The following ATP2B2 variants were observed in gnomAD, a reference collection of about 807,000 sequenced individuals.
ATP2B2 encodes ATPase plasma membrane Ca2+ transporting 2.
A neutral mutation model predicts 120.0 loss-of-function variants in ATP2B2; 15 were observed. The ratio of observed to expected loss-of-function variants is 0.12; its 90% CI spans 0.08 to 0.19. The LOEUF (loss-of-function observed/expected upper bound fraction) is 0.19. ATP2B2 is among the 10% of genes least tolerant of loss of function. The probability of loss-of-function intolerance (pLI) is 1.00; values close to 1 mark genes in which losing one functional copy is unlikely to be tolerated. For missense variants in ATP2B2, 1,045 were observed against 1,719.8 expected (o/e 0.61, Z 6.94); for synonymous variants, 694 against 700.3 (o/e 0.99, Z 0.14).
chr3:10,350,599 A>G (rs760134499), intron 14 of ATP2B2, 22 bp from the exon 15 acceptor site: 1 of 1,606,980 alleles, frequency 6.2e-7, no homozygotes, highest in Non-Finnish European at 8.5e-7. Flanking sequence ...GGCAGGGGCC[A>G]TGGGGGAGGG....
chr3:10,443,501 G>A (rs1295237036), intron 2 of ATP2B2, among the ~76,000 whole-genome samples: 3 of 152,190 alleles, frequency 2.0e-5, no homozygotes, highest in Non-Finnish European at 4.4e-5. Flanking sequence ...GGCTTATGAG[G>A]AAAGGCCTGG....
intron 2 of ATP2B2, among the ~76,000 whole-genome samples, chr3:10,548,826 A>G (rs1414956441): frequency 6.6e-6 from 1 of 152,228 alleles, no homozygotes; most frequent in African/African-American, 2.4e-5. Context: ...CAATGCTTAG[A>G]GTAGAGAAAA....
At chr3:10,637,647 G>A (rs972647905) in intron 1 of ATP2B2, among the ~76,000 whole-genome samples, 1 of 152,136 alleles carries the variant, frequency 6.6e-6, no homozygotes, top group Admixed American at 6.5e-5. Context: ...GTGAGCTGTG[G>A]GGCAGCTTTA....
chr3:10,459,501 T>C (rs1239857747), intron 1 of ATP2B2, among the ~76,000 whole-genome samples: 1 of 151,876 alleles, frequency 6.6e-6, no homozygotes, highest in African/African-American at 2.4e-5. Context: ...CCATCCTCTC[T>C]TGCACTGCCC....
chr3:10,461,398 G>A (rs1216974128), intron 1 of ATP2B2, among the ~76,000 whole-genome samples: 2 of 152,234 alleles, frequency 1.3e-5, no homozygotes, highest in African/African-American at 4.8e-5. Flanking sequence ...AAAATCAAAA[G>A]GCCAGGAAGC....
At chr3:10,648,597 C>T (rs1010409942) in intron 1 of ATP2B2, among the ~76,000 whole-genome samples, 7 of 152,206 alleles carry the variant, frequency 4.6e-5, no homozygotes, top group African/African-American at 1.7e-4. Context: ...CTTATGCTCA[C>T]TGTGACCCAA....
intron 1 of ATP2B2, among the ~76,000 whole-genome samples, chr3:10,497,819 C>A (rs2066217114): frequency 6.6e-6 from 1 of 152,130 alleles, no homozygotes; most frequent in Admixed American, 6.5e-5. Flanking sequence ...CAAAAGTTTG[C>A]CGACTTCTCA....
intron 2 of ATP2B2, among the ~76,000 whole-genome samples, chr3:10,588,747 C>T (rs996426428): frequency 2.0e-5 from 3 of 152,158 alleles, no homozygotes; most frequent in African/African-American, 7.2e-5. Flanking sequence ...CTACCACAAT[C>T]TTAAGAGGTA....
At chr3:10,362,301 A>T (rs1213710679) in intron 12 of ATP2B2, among the ~76,000 whole-genome samples, 1 of 152,224 alleles carries the variant, frequency 6.6e-6, no homozygotes, top group African/African-American at 2.4e-5. Flanking sequence ...CTGTGCAGGG[A>T]CAGGGAGGAC....
intron 1 of ATP2B2, among the ~76,000 whole-genome samples, chr3:10,485,291 G>T (rs2065598696): frequency 6.6e-6 from 1 of 152,226 alleles, no homozygotes; most frequent in Admixed American, 6.5e-5. Flanking sequence ...CTATTTTACA[G>T]CTGTGGAAAC....
chr3:10,392,591 C>T (rs889251754), intron 5 of ATP2B2, among the ~76,000 whole-genome samples: 2 of 152,228 alleles, frequency 1.3e-5, no homozygotes, highest in South Asian at 4.1e-4. Context: ...GGATGGAGGC[C>T]CTGATAGGGC....
At chr3:10,580,342 C>A (rs543510710) in intron 2 of ATP2B2, among the ~76,000 whole-genome samples, 1 of 152,162 alleles carries the variant, frequency 6.6e-6, no homozygotes, top group African/African-American at 2.4e-5. Context: ...CCACTGGAAC[C>A]GAAGCTCTTA....
At chr3:10,551,792 C>A (rs888720574) in intron 2 of ATP2B2, among the ~76,000 whole-genome samples, 1 of 152,208 alleles carries the variant, frequency 6.6e-6, no homozygotes, top group African/African-American at 2.4e-5. Flanking sequence ...CTGGGAATGT[C>A]CTGGCCATGT....
chr3:10,618,651 C>T (rs1023883464), intron 2 of ATP2B2, among the ~76,000 whole-genome samples: 1 of 152,204 alleles, frequency 6.6e-6, no homozygotes, highest in Non-Finnish European at 1.5e-5. Flanking sequence ...AAGGTACCCA[C>T]GCCCCAGCTC....
At chr3:10,440,430 C>T (rs1335942123) in intron 2 of ATP2B2, among the ~76,000 whole-genome samples, 1 of 152,226 alleles carries the variant, frequency 6.6e-6, no homozygotes, top group Admixed American at 6.5e-5. Flanking sequence ...CATGAACAAA[C>T]AGACTAAAAA....
At chr3:10,578,870 C>T (rs948429021) in intron 2 of ATP2B2, among the ~76,000 whole-genome samples, 2 of 152,122 alleles carry the variant, frequency 1.3e-5, no homozygotes, top group Non-Finnish European at 2.9e-5. Context: ...ACTAATCTAC[C>T]GTGGTAATGG....
At chr3:10,575,190 G>A (rs998481663) in intron 2 of ATP2B2, among the ~76,000 whole-genome samples, 3 of 152,126 alleles carry the variant, frequency 2.0e-5, no homozygotes, top group Non-Finnish European at 4.4e-5. Context: ...CCACCACTTA[G>A]GCTCCAGCAC....
intron 2 of ATP2B2, among the ~76,000 whole-genome samples, chr3:10,605,396 G>A (rs1223038277): frequency 6.6e-6 from 1 of 152,184 alleles, no homozygotes; most frequent in East Asian, 1.9e-4. Flanking sequence ...AAGCTGGCCT[G>A]TTCACCATCC....
chr3:10,388,661 C>G (rs1024236533), intron 5 of ATP2B2, among the ~76,000 whole-genome samples: 17 of 152,214 alleles, frequency 1.1e-4, no homozygotes, highest in African/African-American at 3.9e-4. Flanking sequence ...CACCTACTAC[C>G]TGCCCTGGAG....
Sources: gnomAD v4.1 joint callset for allele counts (sites outside exome capture counted in the v4.1 genomes callset) on GRCh38, gnomAD v4.1.1 for gene constraint, MANE v1.5 for transcripts, NCBI Gene and HGNC (gene_info 2026-07-23, HGNC 2026-07-21) for gene names.